Variants in PARD3B observed in about 807,000 individuals in gnomAD.
The protein encoded by PARD3B is par-3 family cell polarity regulator beta.
Under a neutral mutation model 130.2 loss-of-function variants are expected in PARD3B, and 103 were observed. The observed-to-expected ratio is 0.79, with a 90% CI of 0.67 to 0.93. The LOEUF (loss-of-function observed/expected upper bound fraction) is 0.93, where lower values mean the gene tolerates loss of function less well. Ranked by LOEUF, PARD3B falls within the 40% of genes least tolerant of loss-of-function variation. PARD3B has a pLI of 0.00. For synonymous variants in PARD3B, 583 were observed against 553.2 expected (o/e 1.05, Z -0.76); for missense variants, 1,609 against 1,499.2 (o/e 1.07, Z -1.21).
intron 22 of PARD3B, among the ~76,000 whole-genome samples, chr2:205,560,722 C>G (rs1276143673): frequency 6.6e-6 from 1 of 152,140 alleles, no homozygotes; most frequent in Non-Finnish European, 1.5e-5. Flanking sequence ...ACATAAGTTA[C>G]TTGGGAGAAA....
intron 2 of PARD3B, among the ~76,000 whole-genome samples, chr2:204,766,566 C>A (rs1052315598): frequency 9.9e-5 from 15 of 151,982 alleles, no homozygotes; most frequent in African/African-American, 3.6e-4. Flanking sequence ...TTTCATATTA[C>A]ATTCACAGTC....
At chr2:205,472,964 AAT>A (rs1188347077) in intron 20 of PARD3B, among the ~76,000 whole-genome samples, 113 of 151,342 alleles carry the variant, frequency 7.5e-4, no homozygotes, top group Middle Eastern at 3.4e-3. Flanking sequence ...TGAATGAATA[AAT>A]GAATGAATGA....
At chr2:204,870,863 ATGTT>A (rs1407796806) in intron 2 of PARD3B, among the ~76,000 whole-genome samples, 2 of 152,156 alleles carry the variant, frequency 1.3e-5, no homozygotes, top group Admixed American at 1.3e-4. Flanking sequence ...AGGGATTTTG[ATGTT>A]TGTTTTGAGA....
At chr2:204,824,583 CCATCA>C (rs1425895883) in intron 2 of PARD3B, among the ~76,000 whole-genome samples, 1 of 152,114 alleles carries the variant, frequency 6.6e-6, no homozygotes, top group Non-Finnish European at 1.5e-5. Flanking sequence ...CAGAACTTCT[CCATCA>C]CATAGTCTTC....
At chr2:204,841,780 G>A (rs2044266981) in intron 2 of PARD3B, among the ~76,000 whole-genome samples, 1 of 151,966 alleles carries the variant, frequency 6.6e-6, no homozygotes, top group South Asian at 2.1e-4. Context: ...CTTTTAAATA[G>A]GCCATTGTAT....
intron 20 of PARD3B, among the ~76,000 whole-genome samples, chr2:205,481,296 G>A (rs1357918529): frequency 1.3e-5 from 2 of 152,174 alleles, no homozygotes; most frequent in African/African-American, 4.8e-5. Flanking sequence ...AACGATCAGA[G>A]CTTCACTGGA....
intron 20 of PARD3B, among the ~76,000 whole-genome samples, chr2:205,462,270 C>A (rs928624303): frequency 1.2e-4 from 18 of 152,172 alleles, no homozygotes; most frequent in African/African-American, 4.3e-4. Flanking sequence ...AGCCAAATTG[C>A]TAACAGGATT....
intron 13 of PARD3B, 95 bp from the exon 14 acceptor site, chr2:205,185,669 G>T (rs993908548): frequency 1.8e-5 from 18 of 977,766 alleles, no homozygotes; most frequent in Non-Finnish European, 2.5e-5. Context: ...TTATGTGTTG[G>T]CTAAAACTGC....
intron 18 of PARD3B, among the ~76,000 whole-genome samples, chr2:205,360,868 T>C (rs1447505735): frequency 2.0e-5 from 3 of 152,210 alleles, no homozygotes; most frequent in Non-Finnish European, 2.9e-5. Context: ...CATATATGAA[T>C]CTATTGCAGT....
rs956062602 is a variant in PARD3B, at chr2:205,203,154, C to A, written c.2140+9834C>A. Among the ~76,000 whole-genome samples the A allele has an allele frequency of 2.6e-5, 4 of 152,274 alleles. No individual in the cohort carries two copies. The East Asian group carries it at 5.8e-4, about 22-fold the overall frequency. On this transcript the variant is annotated intron_variant, in intron 15 of 22. Transcript: ENST00000406610. ...AACTATAAAGTTTAGAAAACCTTAACCAATGATATTCTGCCAGTAACAAAC... is the reference window on the plus strand; with the variant it reads ...AACTATAAAGTTTAGAAAACCTTAAACAATGATATTCTGCCAGTAACAAAC...
intron 15 of PARD3B, among the ~76,000 whole-genome samples, chr2:205,227,058 T>G (rs183610529): frequency 6.7e-4 from 77 of 115,614 alleles, no homozygotes; most frequent in South Asian, 4.5e-3. Flanking sequence ...AATTTCAGGG[T>G]TTTTTTTTTG....
At chr2:205,474,787 C>T (rs1397783727) in intron 20 of PARD3B, among the ~76,000 whole-genome samples, 1 of 152,154 alleles carries the variant, frequency 6.6e-6, no homozygotes, top group Non-Finnish European at 1.5e-5. Flanking sequence ...CACCCCATTC[C>T]TGACAACTTT....
intron 15 of PARD3B, among the ~76,000 whole-genome samples, chr2:205,208,474 T>C (rs1258013829): frequency 6.2e-5 from 9 of 144,638 alleles, no homozygotes; most frequent in Middle Eastern, 3.4e-3. Context: ...AAAACCCCAT[T>C]GTCTCAGGCC....
In PARD3B at chr2:205,015,286, A is replaced by G. The variant is rs529458767; in HGVS notation, c.395-32295A>G. 1.3e-5 allele frequency among the ~76,000 whole-genome samples: 2 copies of G among 152,310 alleles called. No homozygotes were observed. The highest frequency in any genetic ancestry group is 3.9e-4 in the East Asian group (2 of 5,176). ...ATTAAATGGAAGTAGATCAATATAA[A>G]GGTCTTCATCCTCATCATCTGCCTG... On this transcript the variant is annotated intron_variant, in intron 3 of 22. Coordinates refer to ENST00000406610, the MANE Select transcript of PARD3B (RefSeq NM_001302769.2). The surrounding 1 kb of genome is among the most constrained non-coding windows in gnomAD (Gnocchi z 4.5).
chr2:205,000,825 G>T (rs1185517394), intron 3 of PARD3B, among the ~76,000 whole-genome samples: 3 of 152,098 alleles, frequency 2.0e-5, no homozygotes, highest in Non-Finnish European at 4.4e-5. Flanking sequence ...TTAAATCTGT[G>T]CAAGGTACTG....
intron 18 of PARD3B, among the ~76,000 whole-genome samples, chr2:205,371,674 G>T (rs1471872736): frequency 6.6e-6 from 1 of 152,072 alleles, no homozygotes; most frequent in Non-Finnish European, 1.5e-5. Context: ...AAACTTCACT[G>T]TAACCCAGTC....
At chr2:205,414,081 TA>T (rs2046692847) in intron 19 of PARD3B, among the ~76,000 whole-genome samples, 1 of 152,012 alleles carries the variant, frequency 6.6e-6, no homozygotes, top group Non-Finnish European at 1.5e-5. Context: ...GGGGCAGGCA[TA>T]AAAAACTAAT....
At chr2:205,111,519 C>T (rs530747368) in intron 5 of PARD3B, among the ~76,000 whole-genome samples, 6 of 151,894 alleles carry the variant, frequency 4.0e-5, no homozygotes, top group East Asian at 3.9e-4. Flanking sequence ...CAGTATGATA[C>T]ATATAATTTA....
At chr2:204,643,122 A>G (rs2035147518) in intron 1 of PARD3B, among the ~76,000 whole-genome samples, 2 of 141,418 alleles carry the variant, frequency 1.4e-5, no homozygotes, top group South Asian at 4.8e-4. Flanking sequence ...TCACAAAAAA[A>G]AAAAAAAAAA....
Sources: gnomAD v4.1 joint callset for allele counts (sites outside exome capture counted in the v4.1 genomes callset) on GRCh38, gnomAD v4.1.1 for gene constraint, Gnocchi (gnomAD v3.1) non-coding constraint, MANE v1.5 for transcripts, NCBI Gene and HGNC (gene_info 2026-07-23, HGNC 2026-07-21) for gene names.